Variants in DYNC1I1 observed in about 807,000 individuals in gnomAD.
The protein encoded by DYNC1I1 is cytoplasmic dynein 1 intermediate chain 1.
A neutral mutation model predicts 86.6 loss-of-function variants in DYNC1I1; 43 were observed. The ratio of observed to expected loss-of-function variants is 0.50; its 90% CI spans 0.39 to 0.64. The LOEUF (loss-of-function observed/expected upper bound fraction) is 0.64, where lower values mean the gene tolerates loss of function less well. Among genes scored for constraint, DYNC1I1 ranks in the 30% least tolerant of loss-of-function variants. The pLI is 0.00. For missense variants in DYNC1I1, 604 were observed against 788.8 expected (o/e 0.77, Z 2.81); for synonymous variants, 262 against 283.7 (o/e 0.92, Z 0.77).
At chr7:96,001,268 T>C (rs879870649) in intron 10 of DYNC1I1, among the ~76,000 whole-genome samples, 27 of 152,158 alleles carry the variant, frequency 1.8e-4, no homozygotes, top group Non-Finnish European at 2.9e-4. Flanking sequence ...GCACGTTTGC[T>C]GTCTTGTCCC....
At chr7:96,042,897 C>T (rs1789094057) in intron 14 of DYNC1I1, among the ~76,000 whole-genome samples, 1 of 152,116 alleles carries the variant, frequency 6.6e-6, no homozygotes, top group South Asian at 2.1e-4. Context: ...GACTGTGGCT[C>T]ACACCTGTGA....
At chr7:96,064,344 C>G (rs946560247) in intron 14 of DYNC1I1, among the ~76,000 whole-genome samples, 3 of 151,650 alleles carry the variant, frequency 2.0e-5, no homozygotes, top group African/African-American at 7.3e-5. Flanking sequence ...TAATGAGATA[C>G]AATTAATCAG....
chr7:95,841,120 G>A (rs910846039), intron 5 of DYNC1I1, among the ~76,000 whole-genome samples: 1 of 152,172 alleles, frequency 6.6e-6, no homozygotes, highest in East Asian at 1.9e-4. Flanking sequence ...TAGGCCCTCA[G>A]TTCTTGGAAC....
Position 95,850,248 on chromosome 7 carries a change from T to C in DYNC1I1, c.375-19635T>C, listed in dbSNP as rs116560906. Among the ~76,000 whole-genome samples, 852 of 152,330 alleles carry C rather than the reference T, an allele frequency of 5.6e-3. 17 individuals are homozygous for C. The highest frequency in any genetic ancestry group is 0.02 in the African/African-American group (821 of 41,572). On this transcript the variant is annotated intron_variant, in intron 5 of 16. Coordinates refer to ENST00000447467, the MANE Select transcript of DYNC1I1 (RefSeq NM_001135556.2). The stretch of plus-strand genomic sequence containing the variant: ...CTAGGACTTCCAGGACTATGCTGAA[T>C]AGAAGTAGCAAAACTGCATATCTTT...
intron 1 of DYNC1I1, among the ~76,000 whole-genome samples, chr7:95,793,937 G>T (rs1023070165): frequency 1.3e-5 from 2 of 152,322 alleles, no homozygotes; most frequent in South Asian, 2.1e-4. Flanking sequence ...AGTGCCGCTT[G>T]AGATGGAGCA....
intron 6 of DYNC1I1, among the ~76,000 whole-genome samples, chr7:95,898,721 A>G (rs1790955671): frequency 6.6e-6 from 1 of 152,172 alleles, no homozygotes; most frequent in South Asian, 2.1e-4. Context: ...TTATTTATTT[A>G]CTTTTTGATT....
intron 1 of DYNC1I1, among the ~76,000 whole-genome samples, chr7:95,780,275 T>A (rs1409850828): frequency 6.6e-6 from 1 of 151,940 alleles, no homozygotes; most frequent in Non-Finnish European, 1.5e-5. Flanking sequence ...TCCCCCACTT[T>A]TTTTTTTTCC....
chr7:96,069,415 T>C (rs1334703331), intron 14 of DYNC1I1, among the ~76,000 whole-genome samples: 2 of 152,300 alleles, frequency 1.3e-5, no homozygotes, highest in East Asian at 1.9e-4. Context: ...TTTGGAGACA[T>C]AGTGACTCTG....
intron 5 of DYNC1I1, among the ~76,000 whole-genome samples, chr7:95,866,981 A>G (rs1790031859): frequency 6.6e-6 from 1 of 152,182 alleles, no homozygotes; most frequent in African/African-American, 2.4e-5. Context: ...GAGAAAAGAA[A>G]AGGTTTTGTT....
Position 95,869,941 on chromosome 7 carries a change from G to A in DYNC1I1, c.433G>A (p.Glu145Lys). The A allele has an allele frequency of 1.9e-6, 3 of 1,614,028 alleles. No individual in the cohort carries two copies. Among genetic ancestry groups the A allele is most frequent in the Non-Finnish European group, 2.5e-6 (3 of 1,179,924 alleles). ...CACCCAAGTGGATTTCCTGCCAAGG[G>A]AAGTAGTGTCCTACTCAAAGGAGAC... ...KVTQVDFLPR[E>K]VVSYSKETQT... The change falls in exon 6 of 17, where the codon GAA becomes AAA. Residue 145 changes from glutamate to lysine, a missense_variant. Transcript: ENST00000447467.
chr7:96,092,608 A>G (rs1401584452), intron 16 of DYNC1I1, among the ~76,000 whole-genome samples: 1 of 152,078 alleles, frequency 6.6e-6, no homozygotes, highest in Non-Finnish European at 1.5e-5. Flanking sequence ...AAGGCGAGCA[A>G]GGGTTAGACT....
In DYNC1I1 at chr7:96,032,808, AC is replaced by A. The variant is rs761121977; in HGVS notation, c.1230+30del. Reference sequence around the variant, plus strand: ...GGGTTTGTTTTTCCCTACACATAACACCATCCTGGTTAAAAGAGATACCTAC... The same window carrying A: ...GGGTTTGTTTTTCCCTACACATAACACATCCTGGTTAAAAGAGATACCTAC... On this transcript the variant is annotated intron_variant, in intron 12 of 16. Transcript: ENST00000447467. The A allele has an allele frequency of 9.0e-5, 141 of 1,565,566 alleles. No individual in the cohort carries two copies. In the African/African-American group the frequency reaches 1.8e-3, roughly 20 times the overall value.
intron 6 of DYNC1I1, among the ~76,000 whole-genome samples, chr7:95,938,895 T>C (rs1375176163): frequency 6.6e-6 from 1 of 152,156 alleles, no homozygotes; most frequent in African/African-American, 2.4e-5. Flanking sequence ...TGTTAGGGTG[T>C]CAATTTTGGA....
At chr7:96,050,342 G>T (rs1789367253) in intron 14 of DYNC1I1, among the ~76,000 whole-genome samples, 1 of 152,176 alleles carries the variant, frequency 6.6e-6, no homozygotes, top group Admixed American at 6.5e-5. Context: ...CATACTGAAA[G>T]AGAGAAGTGA....
At chr7:96,008,316 C>T (rs938111732) in intron 10 of DYNC1I1, among the ~76,000 whole-genome samples, 3 of 151,880 alleles carry the variant, frequency 2.0e-5, no homozygotes, top group African/African-American at 7.3e-5. Flanking sequence ...TGGGAGAGAG[C>T]AGAGGGAAGG....
At chr7:95,908,193 G>C (rs990396570) in intron 6 of DYNC1I1, among the ~76,000 whole-genome samples, 1 of 152,038 alleles carries the variant, frequency 6.6e-6, no homozygotes, top group Admixed American at 6.6e-5. Flanking sequence ...CACTTATAGA[G>C]TTTAATAAAA....
At chr7:95,890,798 A>C (rs1485335901) in intron 6 of DYNC1I1, among the ~76,000 whole-genome samples, 1 of 152,200 alleles carries the variant, frequency 6.6e-6, no homozygotes, top group East Asian at 1.9e-4. Context: ...CTGCATTTCG[A>C]ACAGGTTCTC....
intron 6 of DYNC1I1, among the ~76,000 whole-genome samples, chr7:95,937,977 T>C (rs184313610): frequency 4.6e-5 from 7 of 152,138 alleles, no homozygotes; most frequent in Non-Finnish European, 7.4e-5. Flanking sequence ...ATACCCTAAT[T>C]TATTGTACCC....
At chr7:95,845,943 G>A (rs1465028881) in intron 5 of DYNC1I1, among the ~76,000 whole-genome samples, 1 of 152,106 alleles carries the variant, frequency 6.6e-6, no homozygotes, top group African/African-American at 2.4e-5. Context: ...CCATTCCATA[G>A]TAGCAACTGG....
Sources: gnomAD v4.1 joint callset for allele counts (sites outside exome capture counted in the v4.1 genomes callset) on GRCh38, gnomAD v4.1.1 for gene constraint, MANE v1.5 for transcripts, NCBI Gene and HGNC (gene_info 2026-07-23, HGNC 2026-07-21) for gene names.